The following RORA variants were observed in gnomAD, a reference collection of about 807,000 sequenced individuals.
RORA encodes RAR related orphan receptor A.
In RORA, 7 loss-of-function variants were observed where a neutral mutation model predicts 69.5. The observed-to-expected ratio is 0.10, with a 90% CI of 0.06 to 0.19. The LOEUF (loss-of-function observed/expected upper bound fraction) is 0.19, where lower values mean the gene tolerates loss of function less well. Ranked by LOEUF, RORA falls within the 10% of genes least tolerant of loss-of-function variation. RORA has a pLI of 1.00. For missense variants in RORA, 457 were observed against 663.0 expected (o/e 0.69, Z 3.41); for synonymous variants, 261 against 240.8 (o/e 1.08, Z -0.78).
At chr15:60,727,812 G>C (rs759963148) in intron 1 of RORA, among the ~76,000 whole-genome samples, 23 of 152,250 alleles carry the variant, frequency 1.5e-4, no homozygotes, top group Non-Finnish European at 2.9e-4. Flanking sequence ...AGTTTCAATG[G>C]GGCACCTGCC....
At chr15:60,891,294 C>CGTGTGTGTGCACATT (rs2073810434) in intron 1 of RORA, among the ~76,000 whole-genome samples, 1 of 152,106 alleles carries the variant, frequency 6.6e-6, no homozygotes, top group Non-Finnish European at 1.5e-5. Context: ...TGTATGTGCA[C>CGTGTGTGTGCACATT]GTGTGTGTGC....
chr15:61,029,456 T>G (rs1896023137), intron 1 of RORA, among the ~76,000 whole-genome samples: 1 of 151,472 alleles, frequency 6.6e-6, no homozygotes, highest in African/African-American at 2.4e-5. Flanking sequence ...AGGAAAGAGG[T>G]GGAGGGAAGA....
intron 2 of RORA, among the ~76,000 whole-genome samples, chr15:60,612,500 T>A (rs2069115876): frequency 6.6e-6 from 1 of 152,120 alleles, no homozygotes; most frequent in Non-Finnish European, 1.5e-5. Context: ...AATTCCCTGG[T>A]ATGTTCCTGA....
chr15:61,141,696 T>C (rs1596022945), intron 1 of RORA, among the ~76,000 whole-genome samples: 4 of 152,164 alleles, frequency 2.6e-5, no homozygotes, highest in Non-Finnish European at 1.5e-5. Flanking sequence ...GAATGAGAAA[T>C]GGGGAGTGTG....
At chr15:60,669,350 TGTTTG>T (rs766661795) in intron 2 of RORA, among the ~76,000 whole-genome samples, 1 of 104,526 alleles carries the variant, frequency 9.6e-6, no homozygotes, top group Non-Finnish European at 2.2e-5. Flanking sequence ...TTTGTTTGTT[TGTTTG>T]TTTGTTTGTT....
chr15:60,798,362 T>C (rs1033116421), intron 1 of RORA, among the ~76,000 whole-genome samples: 1 of 151,970 alleles, frequency 6.6e-6, no homozygotes, highest in African/African-American at 2.4e-5. Context: ...CATTCAAAAA[T>C]GAGTTTAAAA....
intron 1 of RORA, among the ~76,000 whole-genome samples, chr15:61,141,131 A>G (rs1488686768): frequency 6.6e-6 from 1 of 152,220 alleles, no homozygotes; most frequent in Non-Finnish European, 1.5e-5. Context: ...AGTTCTGTCT[A>G]CATTTCAAAA....
intron 1 of RORA, among the ~76,000 whole-genome samples, chr15:61,071,300 G>C (rs182048279): frequency 0.019 from 1 of 54 alleles, no homozygotes; most frequent in African/African-American, 0.071. Context: ...AGGGAGGAGA[G>C]GGGAGGGGAA....
At chr15:61,222,103 A>G (rs1173889049) in intron 1 of RORA, among the ~76,000 whole-genome samples, 3 of 152,298 alleles carry the variant, frequency 2.0e-5, no homozygotes, top group Non-Finnish European at 4.4e-5. Flanking sequence ...ACAGAGTTTC[A>G]GAGAAAACAT....
chr15:60,970,075 G>A (rs181001585), intron 1 of RORA, among the ~76,000 whole-genome samples: 30 of 152,252 alleles, frequency 2.0e-4, no homozygotes, highest in African/African-American at 5.5e-4. Flanking sequence ...ACAGCCAGAC[G>A]GCAGCCGCCT....
intron 2 of RORA, among the ~76,000 whole-genome samples, chr15:60,659,926 C>T (rs370463339): frequency 2.0e-5 from 3 of 152,260 alleles, no homozygotes; most frequent in South Asian, 4.1e-4. Flanking sequence ...GTCATTTCAT[C>T]CACAACTACT....
At position 61,061,392 on chromosome 15, in the gene RORA, A is replaced by ATAC. The variant is rs1555406922; in HGVS notation, c.166+167660_166+167661insGTA. On this transcript the variant is annotated intron_variant, in intron 1 of 10. Transcript: ENST00000335670. The surrounding 1 kb of genome is among the most constrained non-coding windows in gnomAD (Gnocchi z 4.4). The stretch of plus-strand genomic sequence containing the variant: ...AAATAAATAAATAAATAAATAAATA[A>ATAC]ATAAATACAAGGGCATCGCAGGAAG... Among the ~76,000 whole-genome samples the ATAC allele has an allele frequency of 2.0e-3, 239 of 119,534 alleles. No individual in the cohort carries two copies. The highest frequency in any genetic ancestry group is 7.1e-3 in the African/African-American group (233 of 32,776). The allele number at this position is 119,534 out of a possible 152,430, so 78.4% of individuals were successfully genotyped here.
chr15:60,528,379 A>G (rs2066428053), intron 3 of RORA: 1 of 152,054 alleles, frequency 6.6e-6, no homozygotes, highest in East Asian at 1.9e-4. Flanking sequence ...TGTGCTTCTT[A>G]TGTATATCAT....
chr15:60,951,898 C>G (rs886552433), intron 1 of RORA, among the ~76,000 whole-genome samples: 1 of 150,176 alleles, frequency 6.7e-6, no homozygotes, highest in Non-Finnish European at 1.5e-5. Context: ...TGAAACTATT[C>G]CAATCAATAG....
At position 60,489,665 on chromosome 15, in the gene RORA, C is replaced by T. The variant is rs541933615; in HGVS notation, c.*7790G>A. 5 of 152,232 alleles carry T rather than the reference C, an allele frequency of 3.3e-5. No homozygotes were observed. The highest frequency in any genetic ancestry group is 4.8e-5 in the African/African-American group (2 of 41,554). The allele number at this position is 152,232 out of a possible 1,614,324, so 9.4% of individuals were successfully genotyped here. A position where few individuals can be genotyped will look rare whatever the true frequency, so the allele number is the denominator to read the frequency against. ...CATACTGAAACAGAACATCCCATGTCGAATTTGCTTTATGGCCCATGTTAT... is the reference window on the plus strand; with the variant it reads ...CATACTGAAACAGAACATCCCATGTTGAATTTGCTTTATGGCCCATGTTAT... On this transcript the variant is annotated 3_prime_UTR_variant, in exon 11 of 11. Coordinates refer to ENST00000335670, the MANE Select transcript of RORA (RefSeq NM_134261.3).
intron 1 of RORA, among the ~76,000 whole-genome samples, chr15:60,794,296 G>C (rs1680437): frequency 6.6e-6 from 1 of 152,192 alleles, no homozygotes; most frequent in Non-Finnish European, 1.5e-5. Context: ...GTTTCACCGC[G>C]TTCTTGAGAA....
chr15:60,565,472 C>T (rs1202764865), intron 2 of RORA, among the ~76,000 whole-genome samples: 1 of 152,186 alleles, frequency 6.6e-6, no homozygotes, highest in African/African-American at 2.4e-5. Flanking sequence ...AATATCGTCC[C>T]ATCTATATCA....
chr15:60,940,641 T>C (rs552154887), intron 1 of RORA, among the ~76,000 whole-genome samples: 4 of 152,166 alleles, frequency 2.6e-5, no homozygotes, highest in South Asian at 2.1e-4. Flanking sequence ...CTGGATTACA[T>C]TGTATGTAAA....
At chr15:61,100,660 T>C (rs2078866487) in intron 1 of RORA, among the ~76,000 whole-genome samples, 1 of 152,264 alleles carries the variant, frequency 6.6e-6, no homozygotes. Context: ...GCACTCCCCC[T>C]AATGGAAAGG....
Sources: gnomAD v4.1 joint callset for allele counts (sites outside exome capture counted in the v4.1 genomes callset) on GRCh38, gnomAD v4.1.1 for gene constraint, Gnocchi (gnomAD v3.1) non-coding constraint, MANE v1.5 for transcripts, NCBI Gene and HGNC (gene_info 2026-07-23, HGNC 2026-07-21) for gene names.